CSMD3: variants seen among roughly 807,000 people sequenced by gnomAD.
CSMD3 encodes CUB and sushi domain-containing protein 3.
Under a neutral mutation model 435.2 loss-of-function variants are expected in CSMD3, and 177 were observed. That is an observed-to-expected ratio of 0.41 (90% confidence interval 0.36 to 0.46). CSMD3 has a LOEUF of 0.46. Ranked by LOEUF, CSMD3 falls within the 20% of genes least tolerant of loss-of-function variation. The pLI is 0.34. For missense variants in CSMD3, 4,265 were observed against 4,504.6 expected (o/e 0.95, Z 1.52); for synonymous variants, 1,656 against 1,520.5 (o/e 1.09, Z -2.07).
chr8:113,292,586 T>C (rs1389367341), intron 2 of CSMD3, among the ~76,000 whole-genome samples: 1 of 151,914 alleles, frequency 6.6e-6, no homozygotes, highest in Non-Finnish European at 1.5e-5. Flanking sequence ...ATAGACAATT[T>C]ACACACAAAA....
intron 3 of CSMD3, among the ~76,000 whole-genome samples, chr8:113,255,222 A>G (rs2093369437): frequency 6.6e-6 from 1 of 152,136 alleles, no homozygotes; most frequent in South Asian, 2.1e-4. Flanking sequence ...ACATATTGAA[A>G]AAGTAAAACT....
At chr8:113,118,443 A>C (rs1419420142) in intron 4 of CSMD3, among the ~76,000 whole-genome samples, 1 of 152,178 alleles carries the variant, frequency 6.6e-6, no homozygotes, top group African/African-American at 2.4e-5. Flanking sequence ...CAAATCTGAC[A>C]CTAATAGTGT....
intron 13 of CSMD3, among the ~76,000 whole-genome samples, chr8:112,712,803 A>T (rs1242905788): frequency 2.0e-5 from 3 of 152,058 alleles, no homozygotes; most frequent in Non-Finnish European, 2.9e-5. Context: ...AATAAAAAAA[A>T]AAAAAAAGAG....
At chr8:112,983,682 C>T (rs977449348) in intron 6 of CSMD3, among the ~76,000 whole-genome samples, 2 of 151,240 alleles carry the variant, frequency 1.3e-5, no homozygotes, top group Admixed American at 6.7e-5. Context: ...TGAAGTTTGC[C>T]ATAAGACCAT....
chr8:113,416,669 C>G (rs949149470), intron 1 of CSMD3, among the ~76,000 whole-genome samples: 4 of 152,178 alleles, frequency 2.6e-5, no homozygotes, highest in African/African-American at 9.6e-5. Flanking sequence ...GCGTCCTTCC[C>G]ACTTAACCAA....
intron 45 of CSMD3, among the ~76,000 whole-genome samples, chr8:112,330,552 T>G (rs1205124684): frequency 6.6e-6 from 1 of 152,074 alleles, no homozygotes; most frequent in Non-Finnish European, 1.5e-5. Context: ...CTCAATAAAA[T>G]TTTTTCTCTT....
chr8:112,426,782 C>T (rs1011906869), intron 32 of CSMD3, among the ~76,000 whole-genome samples: 7 of 152,154 alleles, frequency 4.6e-5, no homozygotes, highest in African/African-American at 1.4e-4. Flanking sequence ...TTCGTGTATT[C>T]CAGTAACTAC....
intron 49 of CSMD3, 46 bp from the exon 50 acceptor site, chr8:112,311,212 G>A (rs1488355319): frequency 1.3e-6 from 2 of 1,500,532 alleles, no homozygotes; most frequent in Admixed American, 1.7e-5. Flanking sequence ...TGAATCAGAA[G>A]TTATTACCCA....
intron 61 of CSMD3, among the ~76,000 whole-genome samples, chr8:112,259,759 AT>A (rs2130336112): frequency 6.6e-6 from 1 of 152,294 alleles, no homozygotes; most frequent in East Asian, 1.9e-4. Flanking sequence ...GCTGTATAAT[AT>A]CAAACCCAAA....
At chr8:112,602,435 G>A (rs550505856) in intron 22 of CSMD3, among the ~76,000 whole-genome samples, 350 of 151,836 alleles carry the variant, frequency 2.3e-3, no homozygotes, top group African/African-American at 8.0e-3. Flanking sequence ...GTGTGGTGGC[G>A]GGTGCCTGTA....
In CSMD3 at chr8:112,928,309, G is replaced by A. The variant is rs528518429; in HGVS notation, c.1509-6558C>T. ...AGTTAAATAGCTAACCAAGCTAAAA[G>A]CAAATGTCACAGAAAAAGTTATAAT... On this transcript the variant is annotated intron_variant, in intron 9 of 70. Coordinates refer to ENST00000297405, the MANE Select transcript of CSMD3 (RefSeq NM_198123.2). Among the ~76,000 whole-genome samples, 3 of 152,214 alleles carry A rather than the reference G, an allele frequency of 2.0e-5. No individual in the cohort carries two copies. In the East Asian group the frequency reaches 5.8e-4, roughly 29 times the overall value.
At chr8:112,855,428 G>A (rs1281542239) in intron 11 of CSMD3, among the ~76,000 whole-genome samples, 2 of 152,092 alleles carry the variant, frequency 1.3e-5, no homozygotes, top group African/African-American at 4.8e-5. Context: ...AAATGTGCAT[G>A]ATATTTTATA....
At chr8:112,553,444 T>C (rs1827853984) in intron 25 of CSMD3, among the ~76,000 whole-genome samples, 1 of 151,786 alleles carries the variant, frequency 6.6e-6, no homozygotes, top group African/African-American at 2.4e-5. Context: ...CTAGAAAGAG[T>C]CTCTGTACTG....
intron 22 of CSMD3, 79 bp downstream of exon 22, chr8:112,636,738 A>G (rs968020822): frequency 4.2e-6 from 5 of 1,199,250 alleles, no homozygotes. Context: ...AACAGATTAT[A>G]AAGAACGAAG....
intron 4 of CSMD3, among the ~76,000 whole-genome samples, chr8:113,121,379 C>G (rs913780457): frequency 5.3e-5 from 8 of 152,010 alleles, no homozygotes; most frequent in African/African-American, 1.9e-4. Context: ...CTGAGTGTAC[C>G]ATTGTTTTCT....
intron 27 of CSMD3, among the ~76,000 whole-genome samples, chr8:112,534,860 G>A (rs540953432): frequency 3.0e-4 from 46 of 152,264 alleles, no homozygotes; most frequent in African/African-American, 1.1e-3. Flanking sequence ...TCCCTGGGAT[G>A]CAAGGCTGGT....
intron 27 of CSMD3, among the ~76,000 whole-genome samples, chr8:112,542,107 TA>T (rs35867094): frequency 1.5e-4 from 22 of 149,854 alleles, no homozygotes; most frequent in South Asian, 4.2e-4. Context: ...TGCCTTTTCT[TA>T]AAAAAAAATC....
At chr8:112,721,374 A>G (rs2076853759) in intron 13 of CSMD3, among the ~76,000 whole-genome samples, 1 of 152,114 alleles carries the variant, frequency 6.6e-6, no homozygotes, top group Non-Finnish European at 1.5e-5. Context: ...CAGGAGTTTC[A>G]AATCAGCCTG....
At chr8:112,297,904 T>A (rs763204554) in intron 53 of CSMD3, among the ~76,000 whole-genome samples, 16 of 151,898 alleles carry the variant, frequency 1.1e-4, no homozygotes, top group Non-Finnish European at 1.6e-4. Context: ...GAGGATCTTT[T>A]GAGGCCACAA....
Sources: gnomAD v4.1 joint callset for allele counts (sites outside exome capture counted in the v4.1 genomes callset) on GRCh38, gnomAD v4.1.1 for gene constraint, MANE v1.5 for transcripts, NCBI Gene and HGNC (gene_info 2026-07-23, HGNC 2026-07-21) for gene names.